Variants in EYA4 observed in about 807,000 individuals in gnomAD.
EYA4 encodes protein phosphatase EYA4.
EYA4 carries 31 observed loss-of-function variants against 87.9 expected under a neutral mutation model. The ratio of observed to expected loss-of-function variants is 0.35; its 90% CI spans 0.27 to 0.48. The LOEUF (loss-of-function observed/expected upper bound fraction) is 0.48. Among genes scored for constraint, EYA4 ranks in the 20% least tolerant of loss-of-function variants. The pLI is 0.99. For synonymous variants in EYA4, 263 were observed against 270.6 expected (o/e 0.97, Z 0.28); for missense variants, 678 against 761.4 (o/e 0.89, Z 1.29).
At chr6:133,513,798 AT>A (rs1799365593) in intron 16 of EYA4, among the ~76,000 whole-genome samples, 1 of 152,104 alleles carries the variant, frequency 6.6e-6, no homozygotes, top group African/African-American at 2.4e-5. Context: ...ATCTCCCAGG[AT>A]TTTGTTTCTT....
At chr6:133,363,565 C>T (rs527241968) in intron 2 of EYA4, among the ~76,000 whole-genome samples, 52 of 151,910 alleles carry the variant, frequency 3.4e-4, no homozygotes, top group African/African-American at 1.2e-3. Context: ...GGCTCCGCCT[C>T]CCGGGTTCAC....
chr6:133,246,626 A>G (rs1406194087), intron 1 of EYA4, among the ~76,000 whole-genome samples: 2 of 152,140 alleles, frequency 1.3e-5, no homozygotes, highest in Non-Finnish European at 2.9e-5. Flanking sequence ...TTTCTTGAGT[A>G]TATTTATATC....
Position 133,398,829 on chromosome 6 carries a change from G to A in EYA4, c.83+16388G>A, listed in dbSNP as rs114088846. On this transcript the variant is annotated intron_variant, in intron 3 of 19. Transcript: ENST00000355286. ...AATTGCCAACATGCAGTGCCAAATC[G>A]TATTTAGTAAAACCTTGTCCCCAAA... 8.1e-3 allele frequency among the ~76,000 whole-genome samples: 1,231 copies of A among 152,146 alleles called. 15 individuals are homozygous for A. Among genetic ancestry groups the A allele is most frequent in the African/African-American group, 0.026 (1,061 of 41,506 alleles).
At chr6:133,323,829 GCT>G (rs1582956757) in intron 2 of EYA4, among the ~76,000 whole-genome samples, 1 of 152,012 alleles carries the variant, frequency 6.6e-6, no homozygotes, top group Non-Finnish European at 1.5e-5. Flanking sequence ...GAAGAGTCCT[GCT>G]CTCAGATTAC....
chr6:133,510,485 T>C, intron 14 of EYA4: 1 of 354,356 alleles, frequency 2.8e-6, no homozygotes. Context: ...GAGAAAAACT[T>C]TATTTCCAAC....
intron 2 of EYA4, among the ~76,000 whole-genome samples, chr6:133,357,921 G>A (rs1210791497): frequency 3.3e-5 from 5 of 151,452 alleles, no homozygotes; most frequent in Non-Finnish European, 7.4e-5. Context: ...TATATAATAT[G>A]AAATATATAT....
chr6:133,425,407 A>G (rs940756764), intron 3 of EYA4, among the ~76,000 whole-genome samples: 2 of 149,940 alleles, frequency 1.3e-5, no homozygotes, highest in African/African-American at 5.0e-5. Flanking sequence ...GTAATATAAT[A>G]ATATCCATCT....
intron 2 of EYA4, among the ~76,000 whole-genome samples, chr6:133,286,073 T>C (rs764085631): frequency 2.0e-5 from 3 of 152,132 alleles, no homozygotes; most frequent in Non-Finnish European, 4.4e-5. Flanking sequence ...GAAGTGATAA[T>C]GTTGATCATT....
intron 2 of EYA4, among the ~76,000 whole-genome samples, chr6:133,345,070 A>G (rs1241072593): frequency 6.6e-6 from 1 of 152,170 alleles, no homozygotes; most frequent in Non-Finnish European, 1.5e-5. Context: ...ATAAGGTAAA[A>G]TTGTTAACTT....
chr6:133,392,268 A>G (rs898008809), intron 3 of EYA4, among the ~76,000 whole-genome samples: 6 of 152,130 alleles, frequency 3.9e-5, no homozygotes, highest in African/African-American at 1.4e-4. Context: ...TAGTTGTTAG[A>G]TAATTGTCTG....
intron 14 of EYA4, among the ~76,000 whole-genome samples, chr6:133,508,058 A>C (rs1798806778): frequency 6.6e-6 from 1 of 152,154 alleles, no homozygotes; most frequent in African/African-American, 2.4e-5. Context: ...TATATTTGAG[A>C]CATGAGAGTA....
chr6:133,448,984 T>C (rs1323945140), intron 5 of EYA4, among the ~76,000 whole-genome samples: 1 of 152,252 alleles, frequency 6.6e-6, no homozygotes, highest in African/African-American at 2.4e-5. Context: ...TTAGAATATA[T>C]GATCAGTGAA....
chr6:133,270,206 C>G (rs1348981301), intron 1 of EYA4, among the ~76,000 whole-genome samples: 1 of 152,130 alleles, frequency 6.6e-6, no homozygotes. Flanking sequence ...TCAGTATTAA[C>G]CATCACAAGT....
chr6:133,350,996 A>C (rs1041660307), intron 2 of EYA4, among the ~76,000 whole-genome samples: 2 of 150,972 alleles, frequency 1.3e-5, no homozygotes, highest in Non-Finnish European at 2.9e-5. Flanking sequence ...TTCTGCTTAC[A>C]TTTTCTTTGC....
In EYA4 at chr6:133,483,120, G is replaced by C. The variant is rs779740631; in HGVS notation, c.1191+5G>C. 1 of 1,595,110 alleles carries C rather than the reference G, an allele frequency of 6.3e-7. No individual in the cohort carries two copies. Among genetic ancestry groups the C allele is most frequent in the Admixed American group, 1.7e-5 (1 of 59,980 alleles). On this transcript the variant is annotated splice_donor_5th_base_variant and intron_variant, in intron 13 of 19. Transcript: ENST00000355286. ...TATGCACAGAAGTATGGCAAGGTAA[G>C]AAATCAAGAAATGTTACTCCAAGAA... is the stretch of plus-strand genomic sequence containing the variant.
intron 1 of EYA4, among the ~76,000 whole-genome samples, chr6:133,273,113 A>G (rs1776867929): frequency 6.7e-6 from 1 of 148,560 alleles, no homozygotes; most frequent in Non-Finnish European, 1.5e-5. Flanking sequence ...ATATATATAT[A>G]TATAAAGGGA....
At chr6:133,410,705 C>A (rs1789149170) in intron 3 of EYA4, among the ~76,000 whole-genome samples, 1 of 151,310 alleles carries the variant, frequency 6.6e-6, no homozygotes, top group Non-Finnish European at 1.5e-5. Context: ...CAGCAGCAGT[C>A]CCTCCTGTTG....
intron 2 of EYA4, among the ~76,000 whole-genome samples, chr6:133,359,156 A>G (rs1335195046): frequency 1.3e-5 from 2 of 152,240 alleles, no homozygotes; most frequent in Non-Finnish European, 2.9e-5. Flanking sequence ...TTTATAGCTT[A>G]AAACCAGTTG....
rs529809979 is a variant in EYA4, at chr6:133,515,220, C to G, written c.1502-101C>G. ...TATCTCTCTGCATTTCTGATATATA[C>G]TGAAATAAAAATGATCTATTCCAGA... On this transcript the variant is annotated intron_variant, in intron 16 of 19. Coordinates refer to ENST00000355286, the MANE Select transcript of EYA4 (RefSeq NM_004100.5). 3.8e-4 allele frequency: 289 copies of G among 757,248 alleles called. 1 individual carries two copies. The African/African-American group carries it at 4.4e-3, about 11-fold the overall frequency. 46.9% of individuals were successfully genotyped at this position (757,248 alleles called of 1,614,324 possible).
Sources: gnomAD v4.1 joint callset for allele counts (sites outside exome capture counted in the v4.1 genomes callset) on GRCh38, gnomAD v4.1.1 for gene constraint, MANE v1.5 for transcripts, NCBI Gene and HGNC (gene_info 2026-07-23, HGNC 2026-07-21) for gene names.